Variants in PLPP4 observed in about 807,000 individuals in gnomAD.
PLPP4 encodes the protein diacylglycerol pyrophosphate like 2.
In PLPP4, 20 loss-of-function variants were observed where a neutral mutation model predicts 32.2. The ratio of observed to expected loss-of-function variants is 0.62; its 90% confidence interval spans 0.44 to 0.90. The LOEUF (loss-of-function observed/expected upper bound fraction) is 0.90. Ranked by LOEUF, PLPP4 falls within the 40% of genes least tolerant of loss-of-function variation. The pLI, the probability that PLPP4 is intolerant of heterozygous loss-of-function variation, is 0.00. For missense variants in PLPP4, 257 were observed against 353.1 expected (o/e 0.73, Z 2.18); for synonymous variants, 127 against 133.0 (o/e 0.95, Z 0.31).
chr10:120,476,068 A>G (rs1489441448), intron 1 of PLPP4, among the ~76,000 whole-genome samples: 1 of 152,038 alleles, frequency 6.6e-6, no homozygotes, highest in African/African-American at 2.4e-5. Context: ...CTGCATCACC[A>G]CTGTCCACAT....
chr10:120,475,049 G>A (rs1436359891), intron 1 of PLPP4, among the ~76,000 whole-genome samples: 2 of 152,240 alleles, frequency 1.3e-5, no homozygotes, highest in South Asian at 4.1e-4. Flanking sequence ...AAAGGGGCTG[G>A]TAGTGAGGCT....
At chr10:120,564,153 A>G (rs1268047234) in intron 5 of PLPP4, among the ~76,000 whole-genome samples, 1 of 152,088 alleles carries the variant, frequency 6.6e-6, no homozygotes, top group Non-Finnish European at 1.5e-5. Context: ...ATATTCTATA[A>G]GTTTTAATAC....
chr10:120,505,276 G>T (rs908953165), intron 2 of PLPP4, among the ~76,000 whole-genome samples: 1 of 152,228 alleles, frequency 6.6e-6, no homozygotes, highest in Admixed American at 6.5e-5. Context: ...AGGGTTGGGG[G>T]CAGAGTGTCT....
intron 5 of PLPP4, among the ~76,000 whole-genome samples, chr10:120,572,304 G>T (rs1409745184): frequency 6.6e-6 from 1 of 152,254 alleles, no homozygotes; most frequent in Non-Finnish European, 1.5e-5. Flanking sequence ...CGAACCATTT[G>T]CCCAACAGTG....
intron 5 of PLPP4, among the ~76,000 whole-genome samples, chr10:120,564,081 C>T (rs1025275430): frequency 2.0e-5 from 3 of 151,898 alleles, no homozygotes; most frequent in African/African-American, 7.2e-5. Context: ...CAATAATGCT[C>T]ATCTTGTTTT....
At chr10:120,459,020 G>A (rs771615151) in intron 1 of PLPP4, among the ~76,000 whole-genome samples, 7 of 152,140 alleles carry the variant, frequency 4.6e-5, no homozygotes, top group Non-Finnish European at 7.4e-5. Flanking sequence ...CCAACAATAT[G>A]TAAAAATATT....
At chr10:120,489,269 A>G (rs1844601393) in intron 1 of PLPP4, among the ~76,000 whole-genome samples, 1 of 152,104 alleles carries the variant, frequency 6.6e-6, no homozygotes, top group South Asian at 2.1e-4. Context: ...GGACAGGGAC[A>G]CATTGACCAC....
At chr10:120,564,588 G>A (rs1848601401) in intron 5 of PLPP4, among the ~76,000 whole-genome samples, 1 of 151,732 alleles carries the variant, frequency 6.6e-6, no homozygotes, top group Non-Finnish European at 1.5e-5. Context: ...CACTATTATG[G>A]CAAATGTTGT....
At chr10:120,494,360 G>C (rs535214560) in intron 1 of PLPP4, among the ~76,000 whole-genome samples, 4 of 152,218 alleles carry the variant, frequency 2.6e-5, no homozygotes, top group African/African-American at 9.7e-5. Flanking sequence ...GACAAGTCAA[G>C]CACCTTGCCC....
At position 120,549,491 on chromosome 10, in the gene PLPP4, A is replaced by G. The variant is rs1342327949; in HGVS notation, c.446-25640A>G. ...CAAAAAAGCCAGAAGAACAGGGAAC[A>G]TTTCCCAACTGGCTCTGTAAGGCTA... On this transcript the variant is annotated intron_variant, in intron 5 of 6. Transcript: ENST00000398250. 3.3e-5 allele frequency among the ~76,000 whole-genome samples: 5 copies of G among 152,012 alleles called. No homozygotes were observed. In the East Asian group the frequency reaches 9.7e-4, roughly 29 times the overall value.
chr10:120,486,951 G>A (rs1844487041), intron 1 of PLPP4, among the ~76,000 whole-genome samples: 1 of 152,214 alleles, frequency 6.6e-6, no homozygotes, highest in Non-Finnish European at 1.5e-5. Context: ...CTTATTGTGG[G>A]ATTCAGAAGG....
rs370562475 is a variant in PLPP4 at position 120,521,364 on chromosome 10, C to T, written c.445+269C>T. ...TGTGATACTTTACCCCTGCACAGTA[C>T]GATTTAGGACAAGGGAATTCTCTAC... is the stretch of plus-strand genomic sequence containing the variant. On this transcript the variant is annotated intron_variant, in intron 5 of 6. Transcript: ENST00000398250. 1.1e-3 allele frequency among the ~76,000 whole-genome samples: 172 copies of T among 152,260 alleles called. 5 individuals are homozygous for T. In the South Asian group the frequency reaches 0.032, roughly 28 times the overall value.
intron 1 of PLPP4, among the ~76,000 whole-genome samples, chr10:120,465,541 A>C (rs949733775): frequency 3.3e-5 from 5 of 152,238 alleles, no homozygotes; most frequent in African/African-American, 1.2e-4. Context: ...GAAAGGTAGC[A>C]GTCTGCCAGT....
At chr10:120,557,667 T>C (rs905090819) in intron 5 of PLPP4, among the ~76,000 whole-genome samples, 7 of 152,224 alleles carry the variant, frequency 4.6e-5, no homozygotes, top group African/African-American at 1.4e-4. Flanking sequence ...TTCAATACTT[T>C]ATGGTCATTA....
chr10:120,560,253 A>G (rs1589881882), intron 5 of PLPP4, among the ~76,000 whole-genome samples: 1 of 151,570 alleles, frequency 6.6e-6, no homozygotes, highest in Admixed American at 6.6e-5. Context: ...TGTACTGACT[A>G]TGCACTATAG....
At chr10:120,499,652 C>G (rs888206299) in intron 1 of PLPP4, among the ~76,000 whole-genome samples, 7 of 152,136 alleles carry the variant, frequency 4.6e-5, no homozygotes, top group African/African-American at 1.7e-4. Flanking sequence ...AGCGTGGGCC[C>G]CCCAGGAAGC....
intron 1 of PLPP4, among the ~76,000 whole-genome samples, chr10:120,469,597 A>G (rs908135392): frequency 1.4e-4 from 21 of 152,210 alleles, no homozygotes; most frequent in African/African-American, 5.1e-4. Flanking sequence ...TGTGATGGAA[A>G]TGAATGTATT....
At chr10:120,531,162 C>G (rs529777532) in intron 5 of PLPP4, among the ~76,000 whole-genome samples, 2 of 148,232 alleles carry the variant, frequency 1.3e-5, no homozygotes, top group Non-Finnish European at 3.0e-5. Flanking sequence ...CATCTCGGCT[C>G]GCTGCAACCT....
chr10:120,583,288 T>C (rs1413775753), intron 6 of PLPP4, among the ~76,000 whole-genome samples: 2 of 151,882 alleles, frequency 1.3e-5, no homozygotes, highest in Non-Finnish European at 2.9e-5. Context: ...CATAAGGTCC[T>C]TCCTGTCCTT....
Sources: gnomAD v4.1 joint callset for allele counts (sites outside exome capture counted in the v4.1 genomes callset) on GRCh38, gnomAD v4.1.1 for gene constraint, MANE v1.5 for transcripts, NCBI Gene and HGNC (gene_info 2026-07-23, HGNC 2026-07-21) for gene names.